The following SGCZ variants were observed in gnomAD, a reference collection of about 807,000 sequenced individuals.
SGCZ encodes the protein sarcoglycan zeta.
A neutral mutation model predicts 41.3 loss-of-function variants in SGCZ; 40 were observed. The ratio of observed to expected loss-of-function variants is 0.97; its 90% CI spans 0.75 to 1.26. The LOEUF is 1.26. Ranked by LOEUF, SGCZ falls within the 50% of genes most tolerant of loss-of-function variation. The pLI is 0.00. For synonymous variants in SGCZ, 206 were observed against 137.5 expected (o/e 1.50, Z -3.49); for missense variants, 552 against 369.8 (o/e 1.49, Z -4.04).
chr8:14,455,183 T>C (rs1800706452), intron 2 of SGCZ, among the ~76,000 whole-genome samples: 1 of 151,782 alleles, frequency 6.6e-6, no homozygotes, highest in South Asian at 2.1e-4. Context: ...AGGGACAGAG[T>C]AGTAAAGCTT....
At chr8:14,626,575 G>C (rs1024935062) in intron 1 of SGCZ, among the ~76,000 whole-genome samples, 10 of 152,124 alleles carry the variant, frequency 6.6e-5, no homozygotes, top group African/African-American at 2.2e-4. Context: ...GGTCACACTG[G>C]AGTAGGGTGG....
intron 1 of SGCZ, among the ~76,000 whole-genome samples, chr8:15,078,475 G>T (rs1452687702): frequency 6.6e-6 from 1 of 151,782 alleles, no homozygotes; most frequent in African/African-American, 2.4e-5. Flanking sequence ...TCTTCTATTT[G>T]CATACTTACT....
intron 2 of SGCZ, among the ~76,000 whole-genome samples, chr8:14,503,910 T>C (rs907921654): frequency 3.3e-5 from 5 of 152,192 alleles, no homozygotes; most frequent in South Asian, 4.1e-4. Context: ...TAAAATATTA[T>C]AACAAAAAAT....
At chr8:14,933,730 G>A (rs767695858) in intron 1 of SGCZ, among the ~76,000 whole-genome samples, 5 of 151,996 alleles carry the variant, frequency 3.3e-5, no homozygotes, top group Non-Finnish European at 7.4e-5. Flanking sequence ...GGGATTACAG[G>A]CATGAGCCAC....
Position 14,557,143 on chromosome 8 carries a change from G to T in SGCZ, c.40-2217C>A, listed in dbSNP as rs140437216. Among the ~76,000 whole-genome samples, 599 of 152,060 alleles carry T rather than the reference G, an allele frequency of 3.9e-3. 3 individuals carry two copies. Among genetic ancestry groups the T allele is most frequent in the Admixed American group, 8.7e-3 (133 of 15,262 alleles). On this transcript the variant is annotated intron_variant, in intron 1 of 7. Transcript: ENST00000382080. ...TGGCCATTTTTGAGGTAGTAAGGTG[G>T]TATTGCATTGTGGTTTTTATATGCA...
intron 1 of SGCZ, among the ~76,000 whole-genome samples, chr8:14,678,056 C>A (rs750534484): frequency 1.4e-4 from 21 of 152,018 alleles, no homozygotes; most frequent in Non-Finnish European, 2.6e-4. Flanking sequence ...AAATGGATCA[C>A]AAACTTAAAT....
chr8:15,177,944 A>C (rs112269025), intron 1 of SGCZ, among the ~76,000 whole-genome samples: 1 of 152,128 alleles, frequency 6.6e-6, no homozygotes, highest in Non-Finnish European at 1.5e-5. Context: ...AGGCCTCACC[A>C]CTTCCTATAA....
intron 1 of SGCZ, among the ~76,000 whole-genome samples, chr8:14,784,924 A>ATAT (rs1554499040): frequency 8.5e-5 from 9 of 105,878 alleles, no homozygotes; most frequent in African/African-American, 3.2e-4. Flanking sequence ...ATATATATAT[A>ATAT]TATATATATA....
At chr8:15,155,670 T>A (rs1293322170) in intron 1 of SGCZ, among the ~76,000 whole-genome samples, 1 of 152,176 alleles carries the variant, frequency 6.6e-6, no homozygotes, top group Non-Finnish European at 1.5e-5. Context: ...GCCTATTAAA[T>A]ATATTTATGA....
chr8:14,220,616 C>CT (rs1806159305), intron 4 of SGCZ, among the ~76,000 whole-genome samples: 1 of 151,886 alleles, frequency 6.6e-6, no homozygotes, highest in African/African-American at 2.4e-5. Context: ...CCCGTCTCTA[C>CT]TAAAAAAAAA....
chr8:14,507,921 G>C (rs1320176010), intron 2 of SGCZ, among the ~76,000 whole-genome samples: 1 of 151,888 alleles, frequency 6.6e-6, no homozygotes, highest in Admixed American at 6.6e-5. Context: ...ACAGGCATGC[G>C]CCACTACACC....
At chr8:14,583,143 T>C (rs965091198) in intron 1 of SGCZ, among the ~76,000 whole-genome samples, 24 of 150,538 alleles carry the variant, frequency 1.6e-4, no homozygotes, top group Non-Finnish European at 3.4e-4. Flanking sequence ...AAAGTGTTCC[T>C]ATTTCTCCAC....
chr8:15,141,057 C>T (rs1295711517), intron 1 of SGCZ, among the ~76,000 whole-genome samples: 2 of 152,332 alleles, frequency 1.3e-5, no homozygotes, highest in South Asian at 2.1e-4. Flanking sequence ...CATTTCTTTT[C>T]CCATGTTCCT....
intron 2 of SGCZ, among the ~76,000 whole-genome samples, chr8:14,474,909 C>G (rs1232968844): frequency 6.6e-6 from 1 of 152,118 alleles, no homozygotes; most frequent in Non-Finnish European, 1.5e-5. Context: ...GTCAAATCTG[C>G]TGTAATTAAA....
chr8:15,150,814 G>GT (rs1563152503), intron 1 of SGCZ, among the ~76,000 whole-genome samples: 1 of 152,134 alleles, frequency 6.6e-6, no homozygotes. Flanking sequence ...TAAGGCTGTG[G>GT]TTTTTTTGTT....
chr8:14,953,014 T>C (rs914668674), intron 1 of SGCZ, among the ~76,000 whole-genome samples: 2 of 152,098 alleles, frequency 1.3e-5, no homozygotes, highest in African/African-American at 4.8e-5. Flanking sequence ...GCCATCTAAC[T>C]TCTTGAAGAT....
chr8:14,906,453 C>G (rs1254524782), intron 1 of SGCZ, among the ~76,000 whole-genome samples: 2 of 152,130 alleles, frequency 1.3e-5, no homozygotes, highest in Admixed American at 6.6e-5. Flanking sequence ...AAATTCTCAA[C>G]TTCTGTAGTG....
chr8:14,596,476 A>G (rs1328777223), intron 1 of SGCZ, among the ~76,000 whole-genome samples: 2 of 152,230 alleles, frequency 1.3e-5, no homozygotes, highest in Admixed American at 6.5e-5. Context: ...TTAAATTTTC[A>G]TAAACAATTT....
At chr8:14,166,061 T>A (rs112026428) in intron 4 of SGCZ, among the ~76,000 whole-genome samples, 2 of 152,132 alleles carry the variant, frequency 1.3e-5, no homozygotes, top group African/African-American at 4.8e-5. Flanking sequence ...CATATGTATT[T>A]TTTTTAATAT....
Sources: allele counts gnomAD v4.1 joint callset (sites outside exome capture counted in the v4.1 genomes callset), GRCh38; gene constraint gnomAD v4.1.1; transcripts MANE v1.5; gene names NCBI Gene and HGNC (gene_info 2026-07-23, HGNC 2026-07-21).